Variants in WWC1 observed in about 807,000 individuals in gnomAD.
WWC1 encodes protein KIBRA.
Under a neutral mutation model 138.4 loss-of-function variants are expected in WWC1, and 55 were observed. That is an observed-to-expected ratio of 0.40 (90% CI 0.32 to 0.50). The LOEUF (loss-of-function observed/expected upper bound fraction) is 0.50, where lower values mean the gene tolerates loss of function less well. Among genes scored for constraint, WWC1 ranks in the 20% least tolerant of loss-of-function variants. The pLI is 0.72. For synonymous variants in WWC1, 524 were observed against 564.9 expected (o/e 0.93, Z 1.03); for missense variants, 1,226 against 1,420.4 (o/e 0.86, Z 2.20).
intron 1 of WWC1, among the ~76,000 whole-genome samples, chr5:168,293,654 TC>T: frequency 6.6e-6 from 1 of 152,270 alleles, no homozygotes; most frequent in East Asian, 1.9e-4. Flanking sequence ...AGCCTCAGTT[TC>T]CCTGTTTGTC....
intron 1 of WWC1, among the ~76,000 whole-genome samples, chr5:168,299,481 T>A (rs1310077598): frequency 6.6e-6 from 1 of 152,152 alleles, no homozygotes; most frequent in Non-Finnish European, 1.5e-5. Flanking sequence ...AAGGATGCAG[T>A]GTGTACAAGG....
In WWC1 at chr5:168,292,288, CT is replaced by C. The variant is rs1398547918; in HGVS notation, c.119+18del. The C allele has an allele frequency of 1.0e-5, 16 of 1,582,086 alleles. No homozygotes were observed. Among genetic ancestry groups the C allele is most frequent in the Non-Finnish European group, 1.4e-5 (16 of 1,165,162 alleles). On this transcript the variant is annotated intron_variant, in intron 1 of 22. Transcript: ENST00000265293. The surrounding 1 kb of genome is among the most constrained non-coding windows in gnomAD (Gnocchi z 4.4). ...GCGGGACAGGTAGGACCCTGGAACC[CT>C]CCTCCGTGCCCCCACACCCCCGCCT...
In WWC1 at chr5:168,292,138, G is replaced by A. The variant is rs1189752999; in HGVS notation, c.-15G>A. 1.3e-6 allele frequency: 2 copies of A among 1,533,106 alleles called. No homozygotes were observed. The allele number at this position is 1,533,106 out of a possible 1,614,324, so 95.0% of individuals were successfully genotyped here. A position where few individuals can be genotyped will look rare whatever the true frequency, so the allele number is the denominator to read the frequency against. On this transcript the variant is annotated 5_prime_UTR_variant, in exon 1 of 23. Transcript: ENST00000265293. This position sits in a 1 kb window ranked among gnomAD's most constrained non-coding sequence, Gnocchi z 4.4. ...CCGGGAGCTGCATGGGGGAGCGCCG[G>A]CAGCGCTTGGGAAGATGCCCCGGCC...
intron 3 of WWC1, among the ~76,000 whole-genome samples, chr5:168,395,724 C>T (rs562708534): frequency 6.6e-6 from 1 of 152,318 alleles, no homozygotes; most frequent in East Asian, 1.9e-4. Flanking sequence ...AGGCCCTTGC[C>T]ACCCCAAGTG....
At chr5:168,313,037 A>G (rs1581890395) in intron 1 of WWC1, among the ~76,000 whole-genome samples, 1 of 151,748 alleles carries the variant, frequency 6.6e-6, no homozygotes, top group Middle Eastern at 3.4e-3. Context: ...CGAAGTCCTG[A>G]CCTCAAGTGA....
At chr5:168,462,018 T>C (rs184396426) in intron 20 of WWC1, among the ~76,000 whole-genome samples, 2 of 150,400 alleles carry the variant, frequency 1.3e-5, no homozygotes, top group African/African-American at 4.9e-5. Context: ...ATCGCGCCGT[T>C]GCACTCCAGC....
intron 2 of WWC1, among the ~76,000 whole-genome samples, chr5:168,382,132 A>G (rs1000320736): frequency 6.6e-6 from 1 of 152,228 alleles, no homozygotes; most frequent in South Asian, 2.1e-4. Context: ...GGTTAAATAA[A>G]CCCAAATACC....
chr5:168,440,492 TTTG>T (rs140204253), intron 15 of WWC1, among the ~76,000 whole-genome samples: 220 of 151,732 alleles, frequency 1.4e-3, no homozygotes, highest in African/African-American at 3.7e-3. Flanking sequence ...AAAGCAGGGT[TTTG>T]TTGTTGTTGT....
chr5:168,389,315 C>T (rs181153566), intron 3 of WWC1, among the ~76,000 whole-genome samples: 16 of 151,880 alleles, frequency 1.1e-4, no homozygotes, highest in East Asian at 7.8e-4. Context: ...GGCGTGGTGG[C>T]GCATGCCTGT....
At chr5:168,294,572 C>T (rs1769356517) in intron 1 of WWC1, among the ~76,000 whole-genome samples, 1 of 152,140 alleles carries the variant, frequency 6.6e-6, no homozygotes, top group Non-Finnish European at 1.5e-5. Flanking sequence ...GTGAGCAGCT[C>T]ACCTTCTTCA....
In WWC1 at chr5:168,422,109, G is replaced by A. The variant is rs1299223794; in HGVS notation, c.1274+12G>A. 3 of 1,611,796 alleles carry A rather than the reference G, an allele frequency of 1.9e-6. No individual in the cohort carries two copies. The highest frequency in any genetic ancestry group is 1.7e-6 in the Non-Finnish European group (2 of 1,178,668). On this transcript the variant is annotated intron_variant, in intron 10 of 22. Coordinates refer to ENST00000265293, the MANE Select transcript of WWC1 (RefSeq NM_015238.3). ...TCCCAGCTGAAAAGGTGAGTGGTGGGCGGTGAGGCCACTGCTCCCCTGGGC... is the reference window on the plus strand; with the variant it reads ...TCCCAGCTGAAAAGGTGAGTGGTGGACGGTGAGGCCACTGCTCCCCTGGGC...
chr5:168,435,089 A>G (rs1228951689), intron 15 of WWC1, among the ~76,000 whole-genome samples: 2 of 152,180 alleles, frequency 1.3e-5, no homozygotes, highest in African/African-American at 4.8e-5. Context: ...CTGCCCAGAA[A>G]TTATACTGTA....
chr5:168,439,181 A>G (rs753257104), intron 15 of WWC1, among the ~76,000 whole-genome samples: 4 of 152,214 alleles, frequency 2.6e-5, no homozygotes, highest in Non-Finnish European at 4.4e-5. Context: ...GCACCATGCT[A>G]TTTTCTTCCC....
intron 1 of WWC1, among the ~76,000 whole-genome samples, chr5:168,301,619 CA>C (rs1770083882): frequency 7.4e-6 from 1 of 134,610 alleles, no homozygotes; most frequent in Non-Finnish European, 1.6e-5. Flanking sequence ...GCCTGGGCAA[CA>C]AGAGCAAAAC....
intron 8 of WWC1, among the ~76,000 whole-genome samples, chr5:168,413,401 A>G (rs958577491): frequency 1.3e-5 from 2 of 152,214 alleles, no homozygotes; most frequent in African/African-American, 4.8e-5. Flanking sequence ...GAAGATCTAT[A>G]TAACACCTGG....
intron 1 of WWC1, among the ~76,000 whole-genome samples, chr5:168,339,942 T>C (rs868077633): frequency 0.019 from 2,590 of 133,760 alleles, 102 homozygotes; most frequent in African/African-American, 0.077. Context: ...TTTCTCTCTC[T>C]CTCTCCCCCT....
At chr5:168,467,420 C>T (rs1048870102) in intron 21 of WWC1, among the ~76,000 whole-genome samples, 1 of 152,108 alleles carries the variant, frequency 6.6e-6, no homozygotes, top group African/African-American at 2.4e-5. Flanking sequence ...AGTGTTATAC[C>T]CAAGCCTCTT....
intron 1 of WWC1, among the ~76,000 whole-genome samples, chr5:168,355,716 G>C (rs1195903372): frequency 6.6e-6 from 1 of 152,118 alleles, no homozygotes; most frequent in Non-Finnish European, 1.5e-5. Context: ...TCCTGTTTTG[G>C]TGGTAAGACT....
rs763495419 is a variant in WWC1 at position 168,431,413 on chromosome 5, C to A, written c.2249C>A (p.Thr750Asn). ...HQKTLRVDVC[T>N]TDRSHLEECL... ...AAGACCTTAAGAGTCGATGTCTGTA[C>A]CACCGACAGGAGCCATCTGGAAGAG... Residue 750 changes from threonine (T) to asparagine (N), a missense_variant, in exon 15 of 23, where the codon ACC becomes AAC. Thr to Asn is a moderately conservative substitution (Grantham distance 65). Coordinates refer to ENST00000265293, the MANE Select transcript of WWC1 (RefSeq NM_015238.3). 1.9e-6 allele frequency: 3 copies of A among 1,613,398 alleles called. No homozygotes were observed. The Admixed American group carries it at 5.0e-5, about 27-fold the overall frequency.
Sources: allele counts gnomAD v4.1 joint callset (sites outside exome capture counted in the v4.1 genomes callset), GRCh38; gene constraint gnomAD v4.1.1; non-coding constraint Gnocchi (gnomAD v3.1); transcripts MANE v1.5; gene names NCBI Gene and HGNC (gene_info 2026-07-23, HGNC 2026-07-21).